PRICKLE2: variants seen among roughly 807,000 people sequenced by gnomAD.
PRICKLE2 encodes prickle planar cell polarity protein 2.
A neutral mutation model predicts 81.4 loss-of-function variants in PRICKLE2; 21 were observed. That is an observed-to-expected ratio of 0.26 (90% CI 0.18 to 0.37). The LOEUF (loss-of-function observed/expected upper bound fraction) is 0.37. Among genes scored for constraint, PRICKLE2 ranks in the 10% least tolerant of loss-of-function variants. The pLI is 1.00. For synonymous variants in PRICKLE2, 456 were observed against 421.5 expected (o/e 1.08, Z -1.00); for missense variants, 940 against 1,109.0 (o/e 0.85, Z 2.16).
chr3:64,099,560 G>A lies in PRICKLE2; in HGVS notation c.2026C>T (p.Arg676Cys). 6.2e-7 allele frequency: 1 copy of A among 1,611,386 alleles called. No individual in the cohort carries two copies. The highest frequency in any genetic ancestry group is 8.5e-7 in the Non-Finnish European group (1 of 1,177,888). The change falls in exon 8 of 8, where the codon CGC becomes TGC. Residue 676 changes from arginine (R) to cysteine (C), a missense_variant. This residue lies in a region of PRICKLE2 where 670 missense variants were observed against 717.2 expected (regional missense o/e 0.93). Coordinates refer to ENST00000638394, the MANE Select transcript of PRICKLE2 (RefSeq NM_198859.4). This position sits in a 1 kb window ranked among gnomAD's most constrained non-coding sequence, Gnocchi z 4.3. The part of the protein sequence containing the change: ...SERTRRRATS[R>C]DDNRRFRPHR... ...GGTCGGAAACGGCGGTTGTCGTCGC[G>A]TGAAGTAGCTCTTCTCCGGGTGCGT...
At chr3:64,247,194 T>C (rs1205611554) in intron 2 of PRICKLE2, among the ~76,000 whole-genome samples, 1 of 152,130 alleles carries the variant, frequency 6.6e-6, no homozygotes, top group African/African-American at 2.4e-5. Context: ...GCTCCCTGAA[T>C]AGACGACACA....
chr3:64,171,825 T>G (rs139273551), intron 2 of PRICKLE2, among the ~76,000 whole-genome samples: 1 of 152,190 alleles, frequency 6.6e-6, no homozygotes, highest in Admixed American at 6.5e-5. Flanking sequence ...TGGGTGGAGA[T>G]GCTAAGTAAA....
At position 64,159,318 on chromosome 3, in the gene PRICKLE2, G is replaced by A. The variant is rs575446223; in HGVS notation, c.396+622C>T. On this transcript the variant is annotated intron_variant, in intron 4 of 7. Coordinates refer to ENST00000638394, the MANE Select transcript of PRICKLE2 (RefSeq NM_198859.4). ...TTTACCTCCCCTTTAAATGGCTCTCGTTCTGGGATGATCCTGGGAGGGAGG... is the reference window on the plus strand; with the variant it reads ...TTTACCTCCCCTTTAAATGGCTCTCATTCTGGGATGATCCTGGGAGGGAGG... Among the ~76,000 whole-genome samples, 10 of 152,320 alleles carry A rather than the reference G, an allele frequency of 6.6e-5. No homozygotes were observed. In the South Asian group the frequency reaches 1.2e-3, roughly 19 times the overall value.
At chr3:64,262,117 C>T (rs1404790517) in intron 2 of PRICKLE2, among the ~76,000 whole-genome samples, 1 of 152,172 alleles carries the variant, frequency 6.6e-6, no homozygotes, top group African/African-American at 2.4e-5. Flanking sequence ...ATGTAACGCA[C>T]ACTCTATCAA....
intron 7 of PRICKLE2, among the ~76,000 whole-genome samples, chr3:64,115,227 T>G (rs1183068683): frequency 6.6e-6 from 1 of 152,166 alleles, no homozygotes; most frequent in Non-Finnish European, 1.5e-5. Context: ...GAAAGACCAT[T>G]ACCAGCCTCT....
chr3:64,236,002 T>C (rs1045105833), intron 2 of PRICKLE2, among the ~76,000 whole-genome samples: 22 of 152,330 alleles, frequency 1.4e-4, no homozygotes, highest in Non-Finnish European at 2.4e-4. Flanking sequence ...TAAAATGCCA[T>C]AGACTCTCAC....
chr3:64,119,307 CA>C (rs1219668388), intron 7 of PRICKLE2, among the ~76,000 whole-genome samples: 1 of 152,118 alleles, frequency 6.6e-6, no homozygotes, highest in Non-Finnish European at 1.5e-5. Flanking sequence ...ATCTGTACAA[CA>C]AACCCCCATA....
intron 2 of PRICKLE2, among the ~76,000 whole-genome samples, chr3:64,189,743 G>A (rs1464193909): frequency 6.6e-6 from 1 of 152,154 alleles, no homozygotes; most frequent in Non-Finnish European, 1.5e-5. Context: ...ATAAGACAAT[G>A]TCCGTCTCTA....
In PRICKLE2 at chr3:64,099,332, C is replaced by G. The variant is rs1243149983; in HGVS notation, c.2254G>C (p.Val752Leu). Residue 752 changes from valine (V) to leucine (L), a missense_variant, in exon 8 of 8, where the codon GTG becomes CTG. Physicochemically the swap from Val to Leu is conservative, Grantham distance 32. Coordinates refer to ENST00000638394, the MANE Select transcript of PRICKLE2 (RefSeq NM_198859.4). The surrounding 1 kb of genome is among the most constrained non-coding windows in gnomAD (Gnocchi z 4.3). ...GCATTCTGCAAAGCCAGGTCCGACACAGTCCTAGGGCACTGGCCGTACAGG... is the reference window on the plus strand; with the variant it reads ...GCATTCTGCAAAGCCAGGTCCGACAGAGTCCTAGGGCACTGGCCGTACAGG... ...RDLYGQCPRT[V>L]SDLALQNAFG... 2.5e-6 allele frequency: 4 copies of G among 1,614,100 alleles called. No homozygotes were observed. Among genetic ancestry groups the G allele is most frequent in the Non-Finnish European group, 3.4e-6 (4 of 1,180,048 alleles).
rs990810953 is a variant in PRICKLE2 at position 64,151,018 on chromosome 3, G to A, written c.787+2164C>T. 9.2e-5 allele frequency among the ~76,000 whole-genome samples: 14 copies of A among 152,320 alleles called. 1 individual carries two copies. Among genetic ancestry groups the A allele is most frequent in the African/African-American group, 2.6e-4 (11 of 41,562 alleles). ...TTTAAGTACTTCTTGGAGGGTGTGT[G>A]TGTCTACTGCTGCCACAGCCTCGGT... On this transcript the variant is annotated intron_variant, in intron 6 of 7. Coordinates refer to ENST00000638394, the MANE Select transcript of PRICKLE2 (RefSeq NM_198859.4).
intron 1 of PRICKLE2, among the ~76,000 whole-genome samples, chr3:64,211,109 C>G (rs1353454722): frequency 6.6e-6 from 1 of 152,182 alleles, no homozygotes; most frequent in Non-Finnish European, 1.5e-5. Flanking sequence ...CAACTCTCAA[C>G]AGCCATTGGT....
rs111353870 is a variant in PRICKLE2, at chr3:64,119,377, G to A, written c.1661-19452C>T. 4.3e-4 allele frequency among the ~76,000 whole-genome samples: 66 copies of A among 152,152 alleles called. 1 individual carries two copies. The highest frequency in any genetic ancestry group is 1.5e-3 in the African/African-American group (63 of 41,520). Reference sequence around the variant, plus strand: ...GTAACTTTGTGAACTTAAAATAAAAGTTGAAAGAAATGGGCAAAAAACATG... The same window carrying A: ...GTAACTTTGTGAACTTAAAATAAAAATTGAAAGAAATGGGCAAAAAACATG... On this transcript the variant is annotated intron_variant, in intron 7 of 7. Coordinates refer to ENST00000638394, the MANE Select transcript of PRICKLE2 (RefSeq NM_198859.4).
At chr3:64,266,213 A>G (rs2079706196) in intron 2 of PRICKLE2, among the ~76,000 whole-genome samples, 1 of 149,028 alleles carries the variant, frequency 6.7e-6, no homozygotes, top group Admixed American at 6.7e-5. Flanking sequence ...AAAAAAAAAA[A>G]GCTAAACCAA....
upstream of PRICKLE2, among the ~76,000 whole-genome samples, chr3:64,228,173 T>A (rs1338548550): frequency 6.6e-6 from 1 of 152,202 alleles, no homozygotes; most frequent in Non-Finnish European, 1.5e-5. Flanking sequence ...TCCTACTATT[T>A]GCCAGTCACT....
chr3:64,224,131 G>A (rs1320031198), intron 1 of PRICKLE2, among the ~76,000 whole-genome samples: 1 of 152,166 alleles, frequency 6.6e-6, no homozygotes, highest in Non-Finnish European at 1.5e-5. Flanking sequence ...CATCACATCT[G>A]GTATGGATCG....
At chr3:64,262,347 G>T (rs761859147) in intron 2 of PRICKLE2, among the ~76,000 whole-genome samples, 1 of 152,134 alleles carries the variant, frequency 6.6e-6, no homozygotes, top group Non-Finnish European at 1.5e-5. Context: ...AGCTGGAGGT[G>T]CCATTTGTTG....
intron 2 of PRICKLE2, among the ~76,000 whole-genome samples, chr3:64,189,957 C>T (rs1409313433): frequency 6.6e-6 from 1 of 152,162 alleles, no homozygotes; most frequent in Non-Finnish European, 1.5e-5. Flanking sequence ...GTTGGACTGT[C>T]CTGCCTTCAT....
chr3:64,238,524 A>G lies in PRICKLE2; in HGVS notation c.129-39557T>C, dbSNP rs113354462. Among the ~76,000 whole-genome samples, 1,460 of 151,972 alleles carry G rather than the reference A, an allele frequency of 9.6e-3. 26 individuals are homozygous for G. The highest frequency in any genetic ancestry group is 0.033 in the African/African-American group (1,374 of 41,434). ...AAGAAAAAAGAAAAGAAAAGAAAAG[A>G]AAAAAGAAAACTTGGTAGAATTAGG... On this transcript the variant is annotated intron_variant, in intron 2 of 8. Coordinates refer to the PRICKLE2 transcript ENST00000295902.
rs765317470 is a variant in PRICKLE2, at chr3:64,157,155, C to T, written c.600+7G>A. 1.6e-5 allele frequency: 26 copies of T among 1,613,536 alleles called. No homozygotes were observed. The highest frequency in any genetic ancestry group is 2.0e-5 in the Non-Finnish European group (24 of 1,179,588). ...GGGCAGGTAAACCTGCTGGAGTTTGCTCTAACCTCATCGCAGGCAGCACAG... is the reference window on the plus strand; with the variant it reads ...GGGCAGGTAAACCTGCTGGAGTTTGTTCTAACCTCATCGCAGGCAGCACAG... On this transcript the variant is annotated splice_region_variant and intron_variant, in intron 5 of 7. Transcript: ENST00000638394.
Sources: gnomAD v4.1 joint callset for allele counts (sites outside exome capture counted in the v4.1 genomes callset) on GRCh38, gnomAD v4.1.1 for gene constraint, gnomAD v4.1.1 regional missense constraint, Gnocchi (gnomAD v3.1) non-coding constraint, MANE v1.5 for transcripts, NCBI Gene and HGNC (gene_info 2026-07-23, HGNC 2026-07-21) for gene names.